PCDH15: variants seen among roughly 807,000 people sequenced by gnomAD.
The protein encoded by PCDH15 is protocadherin-15.
Under a neutral mutation model 178.5 loss-of-function variants are expected in PCDH15, and 129 were observed. That is an observed-to-expected ratio of 0.72 (90% CI 0.63 to 0.84). The LOEUF (loss-of-function observed/expected upper bound fraction) is 0.84, where lower values mean the gene tolerates loss of function less well. Ranked by LOEUF, PCDH15 falls within the 40% of genes least tolerant of loss-of-function variation. PCDH15 has a pLI of 0.00. For synonymous variants in PCDH15, 800 were observed against 732.0 expected (o/e 1.09, Z -1.50); for missense variants, 2,230 against 2,099.9 (o/e 1.06, Z -1.21).
chr10:54,610,415 A>G lies in PCDH15; in HGVS notation c.91+53757T>C, dbSNP rs12253592. Among the ~76,000 whole-genome samples the G allele has an allele frequency of 2.7e-3, 403 of 152,026 alleles. 2 individuals are homozygous for G. Among genetic ancestry groups the G allele is most frequent in the African/African-American group, 9.3e-3 (387 of 41,562 alleles). Reference sequence around the variant, plus strand: ...CCCATGAGATAGGTACGTTTTAACCATTTTATAACATAAGCAAAACTCAAT... The same window carrying G: ...CCCATGAGATAGGTACGTTTTAACCGTTTTATAACATAAGCAAAACTCAAT... On this transcript the variant is annotated intron_variant, in intron 2 of 37. Coordinates refer to ENST00000644397, the MANE Select transcript of PCDH15 (RefSeq NM_001384140.1).
chr10:54,528,017 AT>A, intron 2 of PCDH15, 140 bp from the exon 3 acceptor site: 1 of 677,106 alleles, frequency 1.5e-6, no homozygotes, highest in Non-Finnish European at 2.6e-6. Flanking sequence ...AATTAATATT[AT>A]TTAAAAACAT....
At chr10:55,557,213 G>T (rs1162106251) in intron 2 of PCDH15, among the ~76,000 whole-genome samples, 1 of 152,054 alleles carries the variant, frequency 6.6e-6, no homozygotes, top group Non-Finnish European at 1.5e-5. Context: ...GATTTGATTT[G>T]CTGAAACATT....
At chr10:54,057,649 A>G (rs7076822) in intron 18 of PCDH15, among the ~76,000 whole-genome samples, 91,240 of 151,880 alleles carry the variant, frequency 0.6, 27,560 homozygotes, top group Middle Eastern at 0.75. Flanking sequence ...TCTCTGAGAT[A>G]CCCTGGAGAC....
intron 35 of PCDH15, among the ~76,000 whole-genome samples, chr10:53,815,399 G>A (rs1038754439): frequency 6.6e-6 from 1 of 152,130 alleles, no homozygotes; most frequent in African/African-American, 2.4e-5. Flanking sequence ...CAGCAGATGT[G>A]TATCTTGACT....
Position 54,369,103 on chromosome 10 carries a change from A to G in PCDH15, c.474+17T>C, listed in dbSNP as rs905755240. 3.1e-6 allele frequency: 5 copies of G among 1,611,924 alleles called. No individual in the cohort carries two copies. The highest frequency in any genetic ancestry group is 1.3e-5 in the African/African-American group (1 of 74,804). ...ATATCAACAGAAAGGACAGAGAGAGAGTAAATAGAAACTGACCTCATTCAC... is the reference window on the plus strand; with the variant it reads ...ATATCAACAGAAAGGACAGAGAGAGGGTAAATAGAAACTGACCTCATTCAC... On this transcript the variant is annotated intron_variant, in intron 5 of 37. Coordinates refer to ENST00000644397, the MANE Select transcript of PCDH15 (RefSeq NM_001384140.1).
At chr10:54,870,424 T>C (rs1348469740) in intron 3 of PCDH15, among the ~76,000 whole-genome samples, 1 of 152,180 alleles carries the variant, frequency 6.6e-6, no homozygotes, top group African/African-American at 2.4e-5. Flanking sequence ...TTTAGTGTTC[T>C]TGATACTTAT....
intron 3 of PCDH15, among the ~76,000 whole-genome samples, chr10:54,387,631 C>A (rs1251741971): frequency 6.6e-6 from 1 of 152,116 alleles, no homozygotes; most frequent in Non-Finnish European, 1.5e-5. Flanking sequence ...ACCATATCAC[C>A]ACATCCAGAC....
chr10:54,700,886 T>C (rs2095301393), intron 1 of PCDH15, among the ~76,000 whole-genome samples: 1 of 151,934 alleles, frequency 6.6e-6, no homozygotes. Context: ...CTATACAAGG[T>C]GGCCATCCCC....
chr10:55,021,073 G>T lies in PCDH15; in HGVS notation c.-79-123573C>A, dbSNP rs150535844. On this transcript the variant is annotated intron_variant, in intron 2 of 5. Coordinates refer to the PCDH15 transcript ENST00000458638. ...CTCTCAAAATCATCTTCAGAGAAAG[G>T]CATAGACTTGTCTCCCAGGTGTGTT... Among the ~76,000 whole-genome samples the T allele has an allele frequency of 4.7e-4, 72 of 152,222 alleles. 1 individual carries two copies. Among genetic ancestry groups the T allele is most frequent in the African/African-American group, 1.7e-3 (69 of 41,546 alleles).
chr10:55,030,544 A>G (rs1232651636), intron 2 of PCDH15, among the ~76,000 whole-genome samples: 6 of 152,194 alleles, frequency 3.9e-5, no homozygotes, highest in African/African-American at 1.4e-4. Flanking sequence ...AGACAGAAAA[A>G]CAATTAAATA....
At chr10:55,323,572 T>A (rs1160253929), upstream of PCDH15, among the ~76,000 whole-genome samples, 1 of 152,224 alleles carries the variant, frequency 6.6e-6, no homozygotes, top group South Asian at 2.1e-4. Context: ...TCTGGAGCTT[T>A]AAGATTTGAC....
At chr10:54,915,143 T>A (rs1954879247) in intron 2 of PCDH15, among the ~76,000 whole-genome samples, 1 of 152,144 alleles carries the variant, frequency 6.6e-6, no homozygotes. Flanking sequence ...AAAAGAACGA[T>A]CAAGATGTTT....
intron 10 of PCDH15, among the ~76,000 whole-genome samples, chr10:54,200,871 C>T (rs577803774): frequency 1.5e-4 from 23 of 152,268 alleles, no homozygotes; most frequent in African/African-American, 5.5e-4. Flanking sequence ...TCTAATCTCA[C>T]ACCTTAAAAA....
At chr10:54,296,782 T>G (rs868226324) in intron 8 of PCDH15, among the ~76,000 whole-genome samples, 1 of 151,636 alleles carries the variant, frequency 6.6e-6, no homozygotes, top group South Asian at 2.1e-4. Context: ...TTGCTATTCA[T>G]ATAAGTGAGG....
intron 3 of PCDH15, among the ~76,000 whole-genome samples, chr10:54,433,220 T>C (rs1449977163): frequency 6.6e-6 from 1 of 152,008 alleles, no homozygotes; most frequent in Admixed American, 6.6e-5. Flanking sequence ...AAATTTTAGG[T>C]ATAAACACAA....
intron 1 of PCDH15, among the ~76,000 whole-genome samples, chr10:54,798,820 G>T (rs577831703): frequency 1.2e-4 from 19 of 152,066 alleles, no homozygotes; most frequent in African/African-American, 2.9e-4. Context: ...GGGCTTCTGT[G>T]TTAGGAAGAA....
At chr10:54,438,705 T>C (rs796970678) in intron 3 of PCDH15, among the ~76,000 whole-genome samples, 3 of 152,206 alleles carry the variant, frequency 2.0e-5, no homozygotes, top group Non-Finnish European at 2.9e-5. Flanking sequence ...TATGGTTCCA[T>C]TGCAGGATGG....
chr10:54,846,608 C>T (rs989696381), intron 3 of PCDH15, among the ~76,000 whole-genome samples: 1 of 152,110 alleles, frequency 6.6e-6, no homozygotes, highest in African/African-American at 2.4e-5. Flanking sequence ...CTTTTCTTCT[C>T]ATTTGTTTAA....
chr10:55,573,504 T>C (rs905834125), intron 2 of PCDH15, among the ~76,000 whole-genome samples: 2 of 152,112 alleles, frequency 1.3e-5, no homozygotes, highest in Non-Finnish European at 2.9e-5. Flanking sequence ...TTCTTTATTG[T>C]ATATTAGGGA....
Sources: allele counts gnomAD v4.1 joint callset (sites outside exome capture counted in the v4.1 genomes callset), GRCh38; gene constraint gnomAD v4.1.1; transcripts MANE v1.5; gene names NCBI Gene and HGNC (gene_info 2026-07-23, HGNC 2026-07-21).